EIF4G3: variants seen among roughly 807,000 people sequenced by gnomAD.
The protein encoded by EIF4G3 is eIF-4-gamma 3.
EIF4G3 carries 34 observed loss-of-function variants against 186.4 expected under a neutral mutation model. The observed-to-expected ratio is 0.18, with a 90% CI of 0.14 to 0.24. The LOEUF is 0.24. EIF4G3 is among the 10% of genes least tolerant of loss of function. EIF4G3 has a pLI of 1.00. For synonymous variants in EIF4G3, 673 were observed against 679.5 expected, an observed-to-expected ratio of 0.99 and a Z score of 0.15; for missense variants, 1,536 against 1,948.5, an observed-to-expected ratio of 0.79 and a Z score of 3.99.
intron 23 of EIF4G3, among the ~76,000 whole-genome samples, chr1:20,861,147 T>C (rs1054487193): frequency 1.2e-4 from 19 of 152,252 alleles, no homozygotes; most frequent in African/African-American, 4.3e-4. Context: ...GTTGATAACA[T>C]GGGTGAAGAC....
At chr1:20,995,589 C>G (rs540113570) in intron 7 of EIF4G3, among the ~76,000 whole-genome samples, 5 of 152,222 alleles carry the variant, frequency 3.3e-5, no homozygotes, top group Non-Finnish European at 5.9e-5. Context: ...CCAGGCTGGT[C>G]TTGAACTCGT....
chr1:20,963,671 T>C (rs988749016), intron 12 of EIF4G3, among the ~76,000 whole-genome samples: 1 of 152,088 alleles, frequency 6.6e-6, no homozygotes, highest in Non-Finnish European at 1.5e-5. Flanking sequence ...AAGTGATCTT[T>C]GGCCGGGCAT....
intron 2 of EIF4G3, among the ~76,000 whole-genome samples, chr1:21,165,144 A>C (rs1439961505): frequency 2.0e-5 from 3 of 152,200 alleles, no homozygotes; most frequent in Non-Finnish European, 4.4e-5. Flanking sequence ...CTTTACACCC[A>C]ATAGGATGGC....
At chr1:20,977,402 G>A (rs1012485967) in intron 10 of EIF4G3, among the ~76,000 whole-genome samples, 1 of 152,058 alleles carries the variant, frequency 6.6e-6, no homozygotes, top group African/African-American at 2.4e-5. Flanking sequence ...GGCCAGGCTG[G>A]TTTAGAACTC....
intron 4 of EIF4G3, among the ~76,000 whole-genome samples, chr1:21,042,702 C>T (rs753179266): frequency 5.3e-5 from 8 of 152,198 alleles, no homozygotes; most frequent in Non-Finnish European, 1.0e-4. Context: ...TACATGTCTA[C>T]TATGGTACTT....
At chr1:21,085,301 G>A (rs2095927146) in intron 3 of EIF4G3, among the ~76,000 whole-genome samples, 1 of 152,064 alleles carries the variant, frequency 6.6e-6, no homozygotes, top group South Asian at 2.1e-4. Context: ...TTTTAAGAGG[G>A]ATTCTGACAA....
intron 3 of EIF4G3, among the ~76,000 whole-genome samples, chr1:21,066,416 A>G (rs892881433): frequency 2.0e-5 from 3 of 152,200 alleles, no homozygotes; most frequent in African/African-American, 7.2e-5. Context: ...AAAAATTAAC[A>G]TAGAAATGTT....
intron 7 of EIF4G3, among the ~76,000 whole-genome samples, chr1:20,984,183 GGGAGAT>G (rs886064868): frequency 1.3e-5 from 2 of 151,868 alleles, no homozygotes; most frequent in Admixed American, 1.3e-4. Flanking sequence ...TTTTGTCGGG[GGGAGAT>G]GGAGTCTTGC....
chr1:21,126,412 C>T (rs2097046155), intron 2 of EIF4G3, among the ~76,000 whole-genome samples: 1 of 151,838 alleles, frequency 6.6e-6, no homozygotes, highest in African/African-American at 2.4e-5. Flanking sequence ...GGGAAACATT[C>T]CCATTACTTT....
intron 14 of EIF4G3, among the ~76,000 whole-genome samples, chr1:20,919,952 G>A (rs2094343533): frequency 6.9e-6 from 1 of 144,482 alleles, no homozygotes; most frequent in Non-Finnish European, 1.6e-5. Flanking sequence ...CGTTGCCCAG[G>A]CTGGAGTGCA....
At chr1:20,813,091 G>A (rs1217036552) in intron 35 of EIF4G3, 67 bp downstream of exon 35, 4 of 1,099,302 alleles carry the variant, frequency 3.6e-6, no homozygotes, top group African/African-American at 1.6e-5. Context: ...AAATCAAACT[G>A]TATACTTAGT....
At chr1:21,176,678 G>C (rs960303799) in intron 1 of EIF4G3, 44 bp downstream of exon 1, 13 of 590,932 alleles carry the variant, frequency 2.2e-5, no homozygotes, top group Non-Finnish European at 3.3e-5. Context: ...CGACCCCAGG[G>C]GGGGGGCCGG....
chr1:20,999,163 A>C (rs140730635), intron 6 of EIF4G3, among the ~76,000 whole-genome samples: 3 of 152,332 alleles, frequency 2.0e-5, no homozygotes, highest in Non-Finnish European at 4.4e-5. Flanking sequence ...TGTTCAAGTA[A>C]TGAAAAGTGC....
At chr1:21,049,176 C>T (rs1200008034) in intron 4 of EIF4G3, among the ~76,000 whole-genome samples, 1 of 152,092 alleles carries the variant, frequency 6.6e-6, no homozygotes, top group African/African-American at 2.4e-5. Context: ...GAAAGCTTTC[C>T]CCAATACTTC....
At chr1:21,022,630 C>T (rs1424676281) in intron 4 of EIF4G3, among the ~76,000 whole-genome samples, 2 of 152,212 alleles carry the variant, frequency 1.3e-5, no homozygotes, top group Non-Finnish European at 2.9e-5. Flanking sequence ...TTAGACATCA[C>T]ATAGTTCTAT....
intron 14 of EIF4G3, among the ~76,000 whole-genome samples, chr1:20,915,295 G>T (rs1413314990): frequency 1.3e-5 from 2 of 151,970 alleles, no homozygotes; most frequent in African/African-American, 4.8e-5. Context: ...AAATACTTGA[G>T]GAAGAAACAA....
chr1:21,105,583 A>G (rs1011211831), intron 2 of EIF4G3, among the ~76,000 whole-genome samples: 7 of 152,258 alleles, frequency 4.6e-5, no homozygotes, highest in African/African-American at 1.2e-4. Flanking sequence ...TGAAAATGGT[A>G]TGAAGAAAAC....
intron 2 of EIF4G3, among the ~76,000 whole-genome samples, chr1:21,138,635 T>C (rs2097288443): frequency 6.6e-6 from 1 of 152,012 alleles, no homozygotes; most frequent in African/African-American, 2.4e-5. Context: ...CTGGTCAACA[T>C]GGCCAAACCC....
chr1:21,137,587 T>C (rs77245999), intron 2 of EIF4G3, among the ~76,000 whole-genome samples: 4,401 of 152,190 alleles, frequency 0.029, 136 homozygotes, highest in East Asian at 0.14. Context: ...GGCAGGAGGA[T>C]CACTTGAGCC....
Sources: allele counts gnomAD v4.1 joint callset (sites outside exome capture counted in the v4.1 genomes callset), GRCh38; gene constraint gnomAD v4.1.1; transcripts MANE v1.5; gene names NCBI Gene and HGNC (gene_info 2026-07-23, HGNC 2026-07-21).